RBM26: variants seen among roughly 807,000 people sequenced by gnomAD.
RBM26 encodes RNA-binding protein 26.
Under a neutral mutation model 123.6 loss-of-function variants are expected in RBM26, and 30 were observed. The ratio of observed to expected loss-of-function variants is 0.24; its 90% CI spans 0.18 to 0.33. The LOEUF is 0.33. Among genes scored for constraint, RBM26 ranks in the 10% least tolerant of loss-of-function variants. The pLI is 1.00. For missense variants in RBM26, 947 were observed against 1,203.6 expected, an observed-to-expected ratio of 0.79 and a Z score of 3.15; for synonymous variants, 400 against 404.4, an observed-to-expected ratio of 0.99 and a Z score of 0.13.
In RBM26 at chr13:79,368,980, C is replaced by A; in HGVS notation, c.645G>T (p.Leu215=). 6.3e-7 allele frequency: 1 copy of A among 1,598,990 alleles called. No individual in the cohort carries two copies. The highest frequency in any genetic ancestry group is 8.5e-7 in the Non-Finnish European group (1 of 1,170,928). The change falls in exon 6 of 22, where the codon CTG becomes CTT. Residue 215 remains leucine, a synonymous_variant. Transcript: ENST00000438737. ...TATCCAGGTCATATTTAGGTTTTAC[C>A]AGATCCCTTTCTGCAACGAAAGATA... The part of the protein sequence containing the change: ...RSRTRSRERD[L]VKPKYDLDRT...
chr13:79,318,651 G>C (rs561425096), downstream of RBM26, among the ~76,000 whole-genome samples: 2 of 151,566 alleles, frequency 1.3e-5, no homozygotes, highest in African/African-American at 2.4e-5. Context: ...TAGGAAAACT[G>C]ATTAGCTATT....
At chr13:79,376,980 T>C (rs531818280) in intron 3 of RBM26, 1 of 164,906 alleles carries the variant, frequency 6.1e-6, no homozygotes, top group African/African-American at 2.4e-5. Flanking sequence ...TGGTACATAC[T>C]AGGTAGGCGG....
rs1023147280 is a variant in RBM26 at position 79,367,258 on chromosome 13, T to C, written c.896-386A>G. ...CCCATCTCTACTAAAAATACAAAGA[T>C]TAGCTGGACGTGGTGGCTGGCGCCC... is the stretch of plus-strand genomic sequence containing the variant. On this transcript the variant is annotated intron_variant, in intron 6 of 21. Coordinates refer to ENST00000438737, the MANE Select transcript of RBM26 (RefSeq NM_001366735.2). 3.3e-5 allele frequency among the ~76,000 whole-genome samples: 5 copies of C among 150,658 alleles called. No homozygotes were observed. In the East Asian group the frequency reaches 9.8e-4, roughly 29 times the overall value.
Position 79,356,291 on chromosome 13 carries a change from C to A in RBM26, c.1690-907G>T, listed in dbSNP as rs151191815. Among the ~76,000 whole-genome samples the A allele has an allele frequency of 2.8e-3, 423 of 151,382 alleles. 3 individuals are homozygous for A. Among genetic ancestry groups the A allele is most frequent in the African/African-American group, 9.9e-3 (407 of 41,208 alleles). ...CGCTGAGGCAGGAGAATCACCTAAG[C>A]CCAGGAGGTCGAGGCTACAAAGAAC... On this transcript the variant is annotated intron_variant, in intron 11 of 21. Transcript: ENST00000438737.
At chr13:79,379,009 T>C in intron 1 of RBM26, 102 bp from the exon 2 acceptor site, 1 of 750,038 alleles carries the variant, frequency 1.3e-6, no homozygotes, top group Non-Finnish European at 2.2e-6. Context: ...AGTGAGTTAA[T>C]ACATGTAAAA....
chr13:79,354,679 C>T (rs530561640), intron 12 of RBM26, 109 bp from the exon 13 acceptor site: 181 of 1,004,468 alleles, frequency 1.8e-4, no homozygotes, highest in Non-Finnish European at 2.2e-4. Flanking sequence ...TTTTAAAATG[C>T]AGCTTATAGT....
intron 9 of RBM26, among the ~76,000 whole-genome samples, chr13:79,362,183 T>G (rs1473988886): frequency 6.6e-6 from 1 of 152,140 alleles, no homozygotes; most frequent in Non-Finnish European, 1.5e-5. Flanking sequence ...AAAACTAAAT[T>G]TATCTTTCTG....
At chr13:79,404,019 T>C (rs2079288234) in intron 1 of RBM26, among the ~76,000 whole-genome samples, 3 of 152,202 alleles carry the variant, frequency 2.0e-5, no homozygotes, top group African/African-American at 7.2e-5. Context: ...ACACTTTTTC[T>C]ATGAAATTTC....
At position 79,359,610 on chromosome 13, in the gene RBM26, C is replaced by A. The variant is rs748028554; in HGVS notation, c.1494G>T (p.Glu498Asp). The A allele has an allele frequency of 1.3e-6, 2 of 1,597,696 alleles. No homozygotes were observed. The highest frequency in any genetic ancestry group is 1.7e-6 in the Non-Finnish European group (2 of 1,172,072). Residue 498 changes from glutamate (E) to aspartate (D), a missense_variant, in exon 10 of 22, where the codon GAG becomes GAT. Physicochemically the swap from Glu to Asp is conservative, Grantham distance 45 (BLOSUM62 2). Transcript: ENST00000438737. ...AAGTCTTCTTTGTAGGAACTCCAGG[C>A]TCTCCAGAACCAATGGTTCTTTTCC... ...ESRKRTIGSGEPGVPTKKTWF... is the reference protein window; with the variant it reads ...ESRKRTIGSGDPGVPTKKTWF...
chr13:79,362,539 T>C (rs777436400), intron 9 of RBM26, among the ~76,000 whole-genome samples: 1 of 152,188 alleles, frequency 6.6e-6, no homozygotes, highest in Non-Finnish European at 1.5e-5. Flanking sequence ...TGTCTAACTC[T>C]GACTTATCCT....
At chr13:79,371,698 T>C in intron 4 of RBM26, 144 bp downstream of exon 4, 2 of 616,070 alleles carry the variant, frequency 3.2e-6, no homozygotes, top group South Asian at 4.2e-5. Context: ...ATTTTCATGG[T>C]AGAAACGGAC....
At chr13:79,354,591 TTAAAC>T (rs758307085) in intron 12 of RBM26, 21 bp from the exon 13 acceptor site, 2 of 1,555,818 alleles carry the variant, frequency 1.3e-6, no homozygotes, top group Non-Finnish European at 1.7e-6. Flanking sequence ...GGAAAAAATG[TTAAAC>T]AAGTTGATTC....
At chr13:79,364,712 C>CACTCTAGATGTAGGGA in intron 9 of RBM26, among the ~76,000 whole-genome samples, 1 of 152,230 alleles carries the variant, frequency 6.6e-6, no homozygotes, top group African/African-American at 2.4e-5. Flanking sequence ...AGATGTAGGG[C>CACTCTAGATGTAGGGA]ACTTTGCTGC....
chr13:79,357,741 T>A (rs2074197188), intron 11 of RBM26, among the ~76,000 whole-genome samples: 1 of 152,202 alleles, frequency 6.6e-6, no homozygotes, highest in Non-Finnish European at 1.5e-5. Context: ...CCAGTGTGAT[T>A]AACTTTGCTG....
At chr13:79,389,779 AG>A (rs2077785049) in intron 1 of RBM26, 1 of 152,216 alleles carries the variant, frequency 6.6e-6, no homozygotes, top group Non-Finnish European at 1.5e-5. Flanking sequence ...GACTACATAC[AG>A]GAAGTACTTA....
At chr13:79,358,808 T>C (rs1043329775) in intron 10 of RBM26, among the ~76,000 whole-genome samples, 7 of 152,206 alleles carry the variant, frequency 4.6e-5, no homozygotes, top group African/African-American at 1.7e-4. Flanking sequence ...CTTAAAACTT[T>C]ATGTTTTAAA....
chr13:79,382,168 T>C (rs937258952), intron 1 of RBM26, among the ~76,000 whole-genome samples: 4 of 152,130 alleles, frequency 2.6e-5, no homozygotes, highest in South Asian at 2.1e-4. Context: ...CTAGTGATGA[T>C]GTTATGCAAA....
chr13:79,351,747 T>C lies in RBM26; in HGVS notation c.2058+1406A>G, dbSNP rs368662771. 2.2e-4 allele frequency among the ~76,000 whole-genome samples: 33 copies of C among 152,318 alleles called. No individual in the cohort carries two copies. The East Asian group carries it at 2.5e-3, about 12-fold the overall frequency. On this transcript the variant is annotated intron_variant, in intron 14 of 21. Transcript: ENST00000438737. ...AGCAGAAGTAATAGAACCAGAATTA[T>C]TGAGTTATCGATGAGCTGTGAATCA...
At chr13:79,323,163 T>C (rs192971493) in intron 20 of RBM26, among the ~76,000 whole-genome samples, 2 of 151,698 alleles carry the variant, frequency 1.3e-5, no homozygotes, top group Admixed American at 1.3e-4. Flanking sequence ...GTACTTGCTA[T>C]ATTAAGTGGC....
Sources: gnomAD v4.1 joint callset for allele counts (sites outside exome capture counted in the v4.1 genomes callset) on GRCh38, gnomAD v4.1.1 for gene constraint, MANE v1.5 for transcripts, NCBI Gene and HGNC (gene_info 2026-07-23, HGNC 2026-07-21) for gene names.